The following GALNTL6 variants were observed in gnomAD, a reference collection of about 807,000 sequenced individuals.
GALNTL6 encodes the protein polypeptide N-acetylgalactosaminyltransferase like 6, also known as polypeptide N-acetylgalactosaminyltransferase-like 6.
In GALNTL6, 46 loss-of-function variants were observed where a neutral mutation model predicts 73.7. That is an observed-to-expected ratio of 0.62 (90% CI 0.49 to 0.80). The LOEUF is 0.80. GALNTL6 is among the 30% of genes least tolerant of loss of function. The pLI is 0.00. For missense variants in GALNTL6, 604 were observed against 755.0 expected, an observed-to-expected ratio of 0.80 and a Z score of 2.34; for synonymous variants, 259 against 263.7, an observed-to-expected ratio of 0.98 and a Z score of 0.17.
At chr4:172,016,600 C>T (rs746399358) in intron 2 of GALNTL6, among the ~76,000 whole-genome samples, 2 of 151,992 alleles carry the variant, frequency 1.3e-5, no homozygotes, top group Non-Finnish European at 2.9e-5. Context: ...CATTTGGATC[C>T]ATTGCTAGGA....
Position 172,761,219 on chromosome 4 carries a change from A to G in GALNTL6, c.554-48142A>G, listed in dbSNP as rs58834557. Among the ~76,000 whole-genome samples the G allele has an allele frequency of 7.9e-3, 1,201 of 152,332 alleles. 18 individuals are homozygous for G. The highest frequency in any genetic ancestry group is 0.024 in the African/African-American group (987 of 41,576). ...GAATTTACACCTAGACCTCTTTTAA[A>G]TCTGAGAAATTATTCTACCACTGTT... On this transcript the variant is annotated intron_variant, in intron 5 of 12. Transcript: ENST00000506823.
At chr4:172,820,093 T>C (rs1016176005) in intron 7 of GALNTL6, among the ~76,000 whole-genome samples, 9 of 152,152 alleles carry the variant, frequency 5.9e-5, no homozygotes, top group Non-Finnish European at 1.3e-4. Context: ...TGCACAAGGG[T>C]GCCCAGTGGA....
At chr4:171,985,165 C>T (rs1740029211) in intron 2 of GALNTL6, among the ~76,000 whole-genome samples, 2 of 151,934 alleles carry the variant, frequency 1.3e-5, no homozygotes, top group African/African-American at 4.8e-5. Flanking sequence ...GTTTTCACAC[C>T]ACTGATAAAG....
At chr4:172,485,491 G>A (rs1272153949) in intron 5 of GALNTL6, among the ~76,000 whole-genome samples, 1 of 151,944 alleles carries the variant, frequency 6.6e-6, no homozygotes, top group Non-Finnish European at 1.5e-5. Flanking sequence ...TATGTTCTGG[G>A]TCGCAATGTA....
chr4:171,860,200 C>T (rs763659428), intron 2 of GALNTL6, among the ~76,000 whole-genome samples: 1 of 152,074 alleles, frequency 6.6e-6, no homozygotes, highest in Non-Finnish European at 1.5e-5. Flanking sequence ...TTTTTCTCAA[C>T]AAATACAATA....
intron 2 of GALNTL6, among the ~76,000 whole-genome samples, chr4:172,045,066 G>C (rs1450715297): frequency 6.6e-6 from 1 of 151,842 alleles, no homozygotes; most frequent in Non-Finnish European, 1.5e-5. Context: ...GCTTTTCATT[G>C]TTCATGATAT....
At chr4:172,138,691 G>A (rs1005900784) in intron 2 of GALNTL6, among the ~76,000 whole-genome samples, 1 of 148,288 alleles carries the variant, frequency 6.7e-6, no homozygotes, top group South Asian at 2.1e-4. Context: ...CACCACGCCC[G>A]GCTAATTTTT....
At chr4:172,920,923 T>G (rs1384489267) in intron 8 of GALNTL6, among the ~76,000 whole-genome samples, 2 of 152,228 alleles carry the variant, frequency 1.3e-5, no homozygotes, top group Admixed American at 6.5e-5. Flanking sequence ...AAGTGAGATA[T>G]CTACTGAGTT....
At chr4:172,576,125 G>A (rs1411214157) in intron 5 of GALNTL6, among the ~76,000 whole-genome samples, 1 of 151,992 alleles carries the variant, frequency 6.6e-6, no homozygotes, top group African/African-American at 2.4e-5. Flanking sequence ...TCTAAAAATG[G>A]TAGGTCCCTA....
chr4:172,263,639 C>A (rs1579312016), intron 3 of GALNTL6, among the ~76,000 whole-genome samples: 1 of 151,350 alleles, frequency 6.6e-6, no homozygotes, highest in African/African-American at 2.4e-5. Context: ...TCTAGAAGTT[C>A]TATTTTTCCC....
intron 2 of GALNTL6, among the ~76,000 whole-genome samples, chr4:172,060,801 C>A (rs918869761): frequency 4.6e-5 from 7 of 152,160 alleles, no homozygotes; most frequent in Non-Finnish European, 1.0e-4. Flanking sequence ...TAACATTTTT[C>A]TGCGTGGATG....
chr4:172,180,937 C>A (rs1489721266), intron 2 of GALNTL6, among the ~76,000 whole-genome samples: 1 of 151,950 alleles, frequency 6.6e-6, no homozygotes, highest in Non-Finnish European at 1.5e-5. Context: ...ACGGGCTGTT[C>A]TTTTCTTCTC....
intron 5 of GALNTL6, among the ~76,000 whole-genome samples, chr4:172,552,126 G>A (rs553036189): frequency 1.3e-5 from 2 of 152,164 alleles, no homozygotes; most frequent in Admixed American, 1.3e-4. Context: ...TATCCTAGTA[G>A]AAATAAATTT....
chr4:172,931,329 C>A, intron 9 of GALNTL6, 61 bp downstream of exon 9: 2 of 936,252 alleles, frequency 2.1e-6, no homozygotes, highest in Non-Finnish European at 3.6e-6. Context: ...CCAGAGTAAC[C>A]AACCTTGCCC....
chr4:172,985,305 C>T (rs1301130445), intron 10 of GALNTL6, among the ~76,000 whole-genome samples: 2 of 151,832 alleles, frequency 1.3e-5, no homozygotes, highest in East Asian at 1.9e-4. Context: ...GGTGAGGCCT[C>T]TTTGTGGAAC....
intron 9 of GALNTL6, among the ~76,000 whole-genome samples, chr4:172,948,226 TATGTTTAA>T (rs1749266929): frequency 6.6e-6 from 1 of 152,206 alleles, no homozygotes; most frequent in African/African-American, 2.4e-5. Flanking sequence ...ATGTTTTACT[TATGTTTAA>T]ATGTTTATGT....
intron 2 of GALNTL6, among the ~76,000 whole-genome samples, chr4:172,138,491 ATATATATATATATATATATATATTTTTTT>A (rs1560938229): frequency 1.7e-3 from 7 of 4,220 alleles, no homozygotes; most frequent in African/African-American, 4.3e-3. Context: ...ATATATATAT[ATATATATATATATATATATATATTTTTTT>A]TTTTTTTTTT....
intron 4 of GALNTL6, among the ~76,000 whole-genome samples, chr4:172,313,239 C>T (rs1455600530): frequency 6.6e-6 from 1 of 151,610 alleles, no homozygotes; most frequent in Non-Finnish European, 1.5e-5. Context: ...CATTCTCCTG[C>T]CTCAGCCTCC....
intron 10 of GALNTL6, among the ~76,000 whole-genome samples, chr4:172,996,643 A>G (rs1751802496): frequency 6.6e-6 from 1 of 152,212 alleles, no homozygotes; most frequent in African/African-American, 2.4e-5. Flanking sequence ...TGCTCTGTTT[A>G]CAAAGAGTAA....
Sources: allele counts gnomAD v4.1 joint callset (sites outside exome capture counted in the v4.1 genomes callset), GRCh38; gene constraint gnomAD v4.1.1; transcripts MANE v1.5; gene names NCBI Gene and HGNC (gene_info 2026-07-23, HGNC 2026-07-21).